OSTF1: variants seen among roughly 807,000 people sequenced by gnomAD.
The protein encoded by OSTF1 is osteoclast-stimulating factor 1.
Under a neutral mutation model 37.2 loss-of-function variants are expected in OSTF1, and 27 were observed. The observed-to-expected ratio is 0.73, with a 90% CI of 0.54 to 1.00. The LOEUF (loss-of-function observed/expected upper bound fraction) is 1.00, where lower values mean the gene tolerates loss of function less well. OSTF1 is among the 50% of genes least tolerant of loss of function. The probability of loss-of-function intolerance (pLI) is 0.00; values close to 1 mark genes in which losing one functional copy is unlikely to be tolerated. For missense variants in OSTF1, 232 were observed against 253.8 expected, an observed-to-expected ratio of 0.91 and a Z score of 0.58; for synonymous variants, 82 against 89.2, an observed-to-expected ratio of 0.92 and a Z score of 0.46.
At position 75,128,392 on chromosome 9, in the gene OSTF1, A is replaced by T. The variant is rs961663247; in HGVS notation, c.132+773A>T. On this transcript the variant is annotated intron_variant, in intron 3 of 9. Coordinates refer to ENST00000346234, the MANE Select transcript of OSTF1 (RefSeq NM_012383.5). ...TATATATATATATATATATATATAT[A>T]TATATATATATATATTTTGTCCATA... Among the ~76,000 whole-genome samples, 10 of 90,422 alleles carry T rather than the reference A, an allele frequency of 1.1e-4. 1 individual carries two copies. The highest frequency in any genetic ancestry group is 4.9e-4 in the African/African-American group (10 of 20,280). The allele number at this position is 90,422 out of a possible 152,430, so 59.3% of individuals were successfully genotyped here.
chr9:75,118,481 G>T (rs537962978), intron 2 of OSTF1, among the ~76,000 whole-genome samples: 1 of 152,262 alleles, frequency 6.6e-6, no homozygotes, highest in Non-Finnish European at 1.5e-5. Context: ...GATTGGAGGT[G>T]AGTAGATGGT....
intron 1 of OSTF1, among the ~76,000 whole-genome samples, chr9:75,097,826 A>G (rs947472217): frequency 7.3e-5 from 11 of 151,042 alleles, no homozygotes; most frequent in African/African-American, 2.7e-4. Flanking sequence ...TGACCTTTAT[A>G]AGTCACTAGA....
At chr9:75,116,906 T>C (rs185205024) in intron 1 of OSTF1, among the ~76,000 whole-genome samples, 105 of 152,260 alleles carry the variant, frequency 6.9e-4, no homozygotes, top group African/African-American at 2.5e-3. Context: ...AAATATCTCC[T>C]ATGTGGAAAA....
rs770469737 is a variant in OSTF1, at chr9:75,088,677, A to C, written c.-16A>C. On this transcript the variant is annotated 5_prime_UTR_variant, in exon 1 of 10. Transcript: ENST00000346234. The stretch of plus-strand genomic sequence containing the variant: ...TTTCGGCGGGGTCTTTAGGATTTGC[A>C]GCTCCAGGAAGCGAGATGTCGAAGC... The C allele has an allele frequency of 7.8e-5, 125 of 1,606,764 alleles. No individual in the cohort carries two copies. The highest frequency in any genetic ancestry group is 9.9e-5 in the Non-Finnish European group (117 of 1,176,584).
chr9:75,092,275 C>G (rs1190202576), intron 1 of OSTF1, among the ~76,000 whole-genome samples: 3 of 152,176 alleles, frequency 2.0e-5, no homozygotes, highest in Admixed American at 2.0e-4. Flanking sequence ...GAGACCCTGG[C>G]CATTTTTGTA....
intron 3 of OSTF1, among the ~76,000 whole-genome samples, chr9:75,129,830 A>T (rs1825735441): frequency 6.6e-6 from 1 of 152,224 alleles, no homozygotes; most frequent in Non-Finnish European, 1.5e-5. Context: ...TTTGAGTCCC[A>T]AATTATGGGG....
chr9:75,120,209 T>A (rs1825557157), intron 2 of OSTF1, among the ~76,000 whole-genome samples: 1 of 152,162 alleles, frequency 6.6e-6, no homozygotes, highest in Admixed American at 6.5e-5. Flanking sequence ...TCATCGTATG[T>A]CAGGGGCATC....
intron 5 of OSTF1, among the ~76,000 whole-genome samples, chr9:75,133,000 CA>C (rs1564167177): frequency 0.013 from 1,401 of 111,124 alleles, 10 homozygotes; most frequent in African/African-American, 0.025. Context: ...CACACACACA[CA>C]CACACACACA....
At chr9:75,128,752 G>A (rs1012527130) in intron 3 of OSTF1, among the ~76,000 whole-genome samples, 2 of 150,604 alleles carry the variant, frequency 1.3e-5, no homozygotes, top group African/African-American at 2.4e-5. Context: ...TGAGTAATTA[G>A]GTCGGTGATG....
At chr9:75,142,465 C>T (rs1825958725) in intron 9 of OSTF1, among the ~76,000 whole-genome samples, 1 of 152,096 alleles carries the variant, frequency 6.6e-6, no homozygotes, top group Admixed American at 6.5e-5. Context: ...CTTCTTATGA[C>T]CTGAAGGTAT....
At chr9:75,133,812 C>T (rs370522210) in intron 6 of OSTF1, among the ~76,000 whole-genome samples, 100 of 152,328 alleles carry the variant, frequency 6.6e-4, no homozygotes, top group African/African-American at 2.4e-3. Context: ...AGAAAGCCAA[C>T]ATTTGCCAAA....
At chr9:75,101,766 TTTGA>T (rs1282771610) in intron 1 of OSTF1, among the ~76,000 whole-genome samples, 11 of 152,338 alleles carry the variant, frequency 7.2e-5, no homozygotes, top group African/African-American at 2.6e-4. Flanking sequence ...TTGGGTCAGC[TTTGA>T]TTGAGCTCTT....
chr9:75,091,146 C>T lies in OSTF1; in HGVS notation c.34+2420C>T, dbSNP rs185173885. On this transcript the variant is annotated intron_variant, in intron 1 of 9. Transcript: ENST00000346234. ...TGTTGCCCAGGCTGGAGTGCAGTGG[C>T]GCGATCTCGGCTCACTGCAACCTCC... is the stretch of plus-strand genomic sequence containing the variant. Among the ~76,000 whole-genome samples the T allele has an allele frequency of 3.8e-3, 523 of 138,598 alleles. 4 individuals carry two copies. The highest frequency in any genetic ancestry group is 0.013 in the African/African-American group (499 of 36,988). 90.9% of individuals were successfully genotyped at this position (138,598 alleles called of 152,430 possible).
At chr9:75,125,642 G>A (rs1825649894) in intron 2 of OSTF1, among the ~76,000 whole-genome samples, 1 of 152,134 alleles carries the variant, frequency 6.6e-6, no homozygotes, top group Admixed American at 6.6e-5. Context: ...CCATTTGGGG[G>A]CATCAATAAT....
chr9:75,112,732 T>C (rs1825413363), intron 1 of OSTF1, among the ~76,000 whole-genome samples: 1 of 152,240 alleles, frequency 6.6e-6, no homozygotes, highest in African/African-American at 2.4e-5. Flanking sequence ...CTGTAATTTT[T>C]GTTGAATTTC....
intron 8 of OSTF1, among the ~76,000 whole-genome samples, chr9:75,138,324 T>C (rs1233639852): frequency 1.3e-5 from 2 of 152,058 alleles, no homozygotes; most frequent in Non-Finnish European, 2.9e-5. Flanking sequence ...TAGGAAATGG[T>C]TTAGATTTTA....
At chr9:75,096,172 G>A (rs557894841) in intron 1 of OSTF1, among the ~76,000 whole-genome samples, 3 of 152,282 alleles carry the variant, frequency 2.0e-5, no homozygotes, top group Admixed American at 6.5e-5. Flanking sequence ...GATTACAGGC[G>A]TGAGCCACCG....
At chr9:75,136,468 C>T (rs1587474549) in intron 7 of OSTF1, among the ~76,000 whole-genome samples, 1 of 152,162 alleles carries the variant, frequency 6.6e-6, no homozygotes, top group South Asian at 2.1e-4. Context: ...TCTCAGCTCA[C>T]TGCAACCTCT....
chr9:75,127,716 CA>C, intron 3 of OSTF1, 97 bp downstream of exon 3: 2 of 679,332 alleles, frequency 2.9e-6, no homozygotes, highest in Non-Finnish European at 5.1e-6. Flanking sequence ...CATAGAAATA[CA>C]TATGTACAAG....
Sources: gnomAD v4.1 joint callset for allele counts (sites outside exome capture counted in the v4.1 genomes callset) on GRCh38, gnomAD v4.1.1 for gene constraint, MANE v1.5 for transcripts, NCBI Gene and HGNC (gene_info 2026-07-23, HGNC 2026-07-21) for gene names.